The following ASPH variants were observed in gnomAD, a reference collection of about 807,000 sequenced individuals.
ASPH encodes the protein aspartyl/asparaginyl beta-hydroxylase.
ASPH carries 100 observed loss-of-function variants against 118.4 expected under a neutral mutation model. The observed-to-expected ratio is 0.84, with a 90% CI of 0.72 to 1.00. ASPH has a LOEUF of 1.00. Among genes scored for constraint, ASPH ranks in the 50% least tolerant of loss-of-function variants. The pLI, the probability that ASPH is intolerant of heterozygous loss-of-function variation, is 0.00. For synonymous variants in ASPH, 315 were observed against 325.6 expected (o/e 0.97, Z 0.35); for missense variants, 920 against 919.5 (o/e 1.00, Z -0.01).
At chr8:61,535,651 T>A (rs1291526735) in intron 21 of ASPH, among the ~76,000 whole-genome samples, 2 of 152,228 alleles carry the variant, frequency 1.3e-5, no homozygotes, top group Non-Finnish European at 2.9e-5. Context: ...TGTACTAAAT[T>A]TTATCTAATT....
intron 14 of ASPH, among the ~76,000 whole-genome samples, chr8:61,611,586 G>A (rs1319528095): frequency 6.6e-6 from 1 of 152,166 alleles, no homozygotes; most frequent in Non-Finnish European, 1.5e-5. Flanking sequence ...TCCCAATAGA[G>A]GAGATAAAAG....
chr8:61,665,273 T>C, intron 3 of ASPH: 1 of 1,602,136 alleles, frequency 6.2e-7, no homozygotes, highest in Non-Finnish European at 8.5e-7. Flanking sequence ...TTTCTGGGTA[T>C]TTCCCTTTGT....
At position 61,525,859 on chromosome 8, in the gene ASPH, G is replaced by A. The variant is rs1815131438; in HGVS notation, c.1900+118C>T. On this transcript the variant is annotated intron_variant, in intron 22 of 24. Coordinates refer to ENST00000379454, the MANE Select transcript of ASPH (RefSeq NM_004318.4). Reference sequence around the variant, plus strand: ...ATTTCAAAAATCTAGGTTTTTTTGGGCCCCTCGTTTAAGCCTGGGAATCCC... The same window carrying A: ...ATTTCAAAAATCTAGGTTTTTTTGGACCCCTCGTTTAAGCCTGGGAATCCC... 9 of 1,401,258 alleles carry A rather than the reference G, an allele frequency of 6.4e-6. No homozygotes were observed. The South Asian group carries it at 1.3e-4, about 20-fold the overall frequency. 86.8% of individuals were successfully genotyped at this position (1,401,258 alleles called of 1,614,324 possible).
intron 13 of ASPH, 41 bp downstream of exon 13, chr8:61,633,642 G>C (rs1164536918): frequency 2.0e-6 from 3 of 1,523,332 alleles, no homozygotes; most frequent in Admixed American, 2.0e-5. Flanking sequence ...GGATTTTTAA[G>C]GATAACAAAA....
At position 61,537,537 on chromosome 8, in the gene ASPH, T is replaced by TTTA. The variant is rs564806529; in HGVS notation, c.1764+10531_1764+10533dup. 1.2e-3 allele frequency among the ~76,000 whole-genome samples: 177 copies of TTTA among 151,940 alleles called. 1 individual carries two copies. In the Middle Eastern group the frequency reaches 0.028, roughly 24 times the overall value. ...GGTGCACACCACCATGCCTGGCTAA[T>TTTA]TTATTATTATTATTATTATTTTGTA... On this transcript the variant is annotated intron_variant, in intron 21 of 24. Coordinates refer to ENST00000379454, the MANE Select transcript of ASPH (RefSeq NM_004318.4).
intron 22 of ASPH, among the ~76,000 whole-genome samples, chr8:61,519,628 C>T (rs986488502): frequency 6.6e-6 from 1 of 152,062 alleles, no homozygotes; most frequent in Non-Finnish European, 1.5e-5. Flanking sequence ...GGGAGATTAT[C>T]CAAGATTACC....
intron 15 of ASPH, among the ~76,000 whole-genome samples, chr8:61,581,868 TA>T (rs1447325202): frequency 2.1e-4 from 32 of 152,318 alleles, no homozygotes; most frequent in Non-Finnish European, 3.7e-4. Flanking sequence ...GCATTTTAAA[TA>T]ATAAATATTA....
intron 17 of ASPH, among the ~76,000 whole-genome samples, chr8:61,565,930 A>G (rs1831537779): frequency 6.6e-6 from 1 of 152,192 alleles, no homozygotes; most frequent in Non-Finnish European, 1.5e-5. Flanking sequence ...ATGGGAAAAC[A>G]AAGTCTGGAT....
chr8:61,523,897 C>T (rs1261011634), intron 22 of ASPH, among the ~76,000 whole-genome samples: 1 of 152,092 alleles, frequency 6.6e-6, no homozygotes, highest in African/African-American at 2.4e-5. Flanking sequence ...TCAAGACCAG[C>T]CTGGGCAATA....
At chr8:61,610,940 A>G (rs961120730) in intron 14 of ASPH, among the ~76,000 whole-genome samples, 1 of 152,216 alleles carries the variant, frequency 6.6e-6, no homozygotes, top group African/African-American at 2.4e-5. Context: ...CATCAATGGA[A>G]TGGACCCTCA....
At chr8:61,595,007 T>C (rs1419224280) in intron 14 of ASPH, among the ~76,000 whole-genome samples, 2 of 152,392 alleles carry the variant, frequency 1.3e-5, no homozygotes, top group Admixed American at 6.5e-5. Context: ...TTCACTATTA[T>C]AACTTTTAAG....
At chr8:61,595,003 A>G (rs909007235) in intron 14 of ASPH, among the ~76,000 whole-genome samples, 3 of 152,330 alleles carry the variant, frequency 2.0e-5, no homozygotes, top group Middle Eastern at 3.4e-3. Context: ...GGTTTTCACT[A>G]TTATAACTTT....
chr8:61,709,118 C>T (rs575188361), intron 1 of ASPH, among the ~76,000 whole-genome samples: 68 of 152,106 alleles, frequency 4.5e-4, no homozygotes, highest in Non-Finnish European at 6.0e-4. Flanking sequence ...TCAGCTGTGG[C>T]CAATTTGATA....
Position 61,548,208 on chromosome 8 carries a change from C to T in ASPH, c.1627G>A (p.Ala543Thr), listed in dbSNP as rs752973004. 1.2e-6 allele frequency: 2 copies of T among 1,611,954 alleles called. No individual in the cohort carries two copies. Among genetic ancestry groups the T allele is most frequent in the Admixed American group, 1.7e-5 (1 of 59,720 alleles). ...DAMQRVGNKEAYKWYELGHKR... is the reference protein window; with the variant it reads ...DAMQRVGNKETYKWYELGHKR... Reference sequence around the variant, plus strand: ...TGCCCAAGCTCATACCACTTATATGCCTGAAGGAACAGAAAGAATGTGCTC... The same window carrying T: ...TGCCCAAGCTCATACCACTTATATGTCTGAAGGAACAGAAAGAATGTGCTC... The change falls in exon 21 of 25, where the codon GCA (alanine) becomes ACA (threonine). Residue 543 changes from alanine to threonine, a missense_variant and splice_region_variant. Physicochemically the swap from Ala to Thr is moderately conservative, Grantham distance 58. Coordinates refer to ENST00000379454, the MANE Select transcript of ASPH (RefSeq NM_004318.4).
chr8:61,672,525 A>T (rs1425334562), intron 3 of ASPH, among the ~76,000 whole-genome samples: 2 of 150,290 alleles, frequency 1.3e-5, no homozygotes, highest in East Asian at 1.9e-4. Context: ...GTTTTTTTTA[A>T]AAAAAAAAAA....
At chr8:61,661,854 T>C (rs1325592748) in intron 3 of ASPH, 3 of 417,436 alleles carry the variant, frequency 7.2e-6, no homozygotes, top group Non-Finnish European at 1.3e-5. Context: ...TTCATGCTGA[T>C]TGATTTATGT....
chr8:61,602,660 G>C (rs761691539), intron 14 of ASPH, among the ~76,000 whole-genome samples: 1 of 151,240 alleles, frequency 6.6e-6, no homozygotes, highest in African/African-American at 2.5e-5. Flanking sequence ...GCTGCCTGGG[G>C]TTGGGGAGGG....
chr8:61,567,017 G>C (rs1831933150), intron 17 of ASPH, 151 bp downstream of exon 17: 1 of 917,494 alleles, frequency 1.1e-6, no homozygotes, highest in Non-Finnish European at 1.5e-6. Context: ...TTTTAGAGAT[G>C]GTGAGCCTAG....
At chr8:61,588,702 G>C (rs1333419361) in intron 14 of ASPH, among the ~76,000 whole-genome samples, 1 of 152,096 alleles carries the variant, frequency 6.6e-6, no homozygotes, top group Non-Finnish European at 1.5e-5. Flanking sequence ...TAGATCCCCA[G>C]AACATAAAAA....
Sources: gnomAD v4.1 joint callset for allele counts (sites outside exome capture counted in the v4.1 genomes callset) on GRCh38, gnomAD v4.1.1 for gene constraint, MANE v1.5 for transcripts, NCBI Gene and HGNC (gene_info 2026-07-23, HGNC 2026-07-21) for gene names.